Variants in NLGN4X observed in about 807,000 individuals in gnomAD.
NLGN4X encodes the protein neuroligin 4 X-linked.
In NLGN4X, 3 loss-of-function variants were observed where a neutral mutation model predicts 40.3. The ratio of observed to expected loss-of-function variants is 0.07; its 90% confidence interval spans 0.03 to 0.19. The LOEUF is 0.19. Ranked by LOEUF, NLGN4X falls within the 10% of genes least tolerant of loss-of-function variation. The probability of loss-of-function intolerance (pLI) is 1.00; values close to 1 mark genes in which losing one functional copy is unlikely to be tolerated. For missense variants in NLGN4X, 382 were observed against 708.3 expected (o/e 0.54, Z 5.23); for synonymous variants, 270 against 306.8 (o/e 0.88, Z 1.25).
chrX:6,092,944 C>A (rs1009404933), intron 2 of NLGN4X, among the ~76,000 whole-genome samples: 1 of 110,279 alleles, frequency 9.1e-6, no homozygotes, highest in Non-Finnish European at 1.9e-5. Context: ...TTTGAGAAAA[C>A]AGGAAGAATG....
chrX:6,111,618 C>T (rs1467929259), intron 2 of NLGN4X, among the ~76,000 whole-genome samples: 1 of 111,136 alleles, frequency 9.0e-6, no homozygotes, highest in African/African-American at 3.3e-5. Flanking sequence ...TGGTGGCACA[C>T]ACGTATGGTC....
intron 3 of NLGN4X, among the ~76,000 whole-genome samples, chrX:6,022,992 G>A (rs1044998800): frequency 1.8e-5 from 2 of 112,007 alleles, no homozygotes; most frequent in Non-Finnish European, 3.8e-5. Flanking sequence ...TTTATTCAAT[G>A]AATGGTCTTA....
At chrX:6,080,046 T>C (rs2038307488) in intron 2 of NLGN4X, among the ~76,000 whole-genome samples, 1 of 109,681 alleles carries the variant, frequency 9.1e-6, no homozygotes, top group Non-Finnish European at 1.9e-5. Context: ...TTCCCTCTCT[T>C]TGGAGAGCTT....
At chrX:6,081,821 A>G (rs2038357271) in intron 2 of NLGN4X, among the ~76,000 whole-genome samples, 1 of 112,533 alleles carries the variant, frequency 8.9e-6, no homozygotes, top group Non-Finnish European at 1.9e-5. Context: ...TAAAATTGCA[A>G]GGTTATAAAA....
intron 2 of NLGN4X, among the ~76,000 whole-genome samples, chrX:6,047,459 G>C (rs1390851763): frequency 9.0e-6 from 1 of 111,700 alleles, no homozygotes; most frequent in Non-Finnish European, 1.9e-5. Context: ...CTGGGTGACA[G>C]AGCAAGGCCT....
intron 2 of NLGN4X, 120 bp from the exon 3 acceptor site, chrX:6,029,552 T>C (rs967063646): frequency 1.9e-5 from 13 of 687,719 alleles, no homozygotes; most frequent in African/African-American, 1.3e-4. Flanking sequence ...AGCACATTTA[T>C]TTTTATGGAT....
intron 2 of NLGN4X, among the ~76,000 whole-genome samples, chrX:6,056,720 T>C (rs887489660): frequency 7.2e-5 from 8 of 111,765 alleles, no homozygotes; most frequent in African/African-American, 2.0e-4. Context: ...ATAGTGTGAG[T>C]TGACAGGCTG....
At chrX:6,083,169 A>C (rs2038411821) in intron 2 of NLGN4X, among the ~76,000 whole-genome samples, 1 of 100,288 alleles carries the variant, frequency 1.0e-5, no homozygotes, top group Admixed American at 1.1e-4. Context: ...CGTGTTAGCC[A>C]GGATGGTCTT....
At chrX:6,048,832 T>C (rs1311677014) in intron 2 of NLGN4X, among the ~76,000 whole-genome samples, 4 of 96,712 alleles carry the variant, frequency 4.1e-5, no homozygotes, top group Non-Finnish European at 8.2e-5. Context: ...CAACACACAC[T>C]AGGGTCTGTC....
At chrX:5,971,231 CACCCTACATT>C (rs1190143414) in intron 3 of NLGN4X, among the ~76,000 whole-genome samples, 1 of 111,111 alleles carries the variant, frequency 9.0e-6, no homozygotes, top group African/African-American at 3.3e-5. Context: ...AATGACATTT[CACCCTACATT>C]ACCCTCCCTG....
At chrX:6,063,107 C>T (rs978356252) in intron 2 of NLGN4X, among the ~76,000 whole-genome samples, 9 of 111,483 alleles carry the variant, frequency 8.1e-5, no homozygotes, top group African/African-American at 2.6e-4. Context: ...TAAAATACTG[C>T]AACTTCCCTA....
intron 3 of NLGN4X, among the ~76,000 whole-genome samples, chrX:5,931,202 A>G (rs983983598): frequency 6.2e-5 from 7 of 112,078 alleles, no homozygotes; most frequent in Non-Finnish European, 1.3e-4. Flanking sequence ...GCAATAAAAA[A>G]TACTCAAAGA....
chrX:5,903,941 G>A, intron 4 of NLGN4X, 75 bp from the exon 5 acceptor site: 1 of 1,134,494 alleles, frequency 8.8e-7, no homozygotes, highest in African/African-American at 1.8e-5. Flanking sequence ...AGCAATGAAG[G>A]CTGTGATTGT....
At chrX:6,176,433 C>T (rs1208025975) in intron 1 of NLGN4X, among the ~76,000 whole-genome samples, 1 of 112,284 alleles carries the variant, frequency 8.9e-6, no homozygotes, top group Non-Finnish European at 1.9e-5. Flanking sequence ...TGTGTTAATA[C>T]AAGAACTTGT....
chrX:6,091,013 G>A (rs2038624163), intron 2 of NLGN4X, among the ~76,000 whole-genome samples: 1 of 92,341 alleles, frequency 1.1e-5, no homozygotes, highest in Middle Eastern at 5.5e-3. Context: ...GGGAAGGAGG[G>A]ATGTAGAAAG....
At position 6,041,022 on chromosome X, in the gene NLGN4X, T is replaced by C. The variant is rs1353845038; in HGVS notation, c.473-11590A>G. Among the ~76,000 whole-genome samples the C allele has an allele frequency of 4.5e-5, 5 of 111,773 alleles. No homozygotes were observed. The East Asian group carries it at 1.4e-3, about 31-fold the overall frequency. On this transcript the variant is annotated intron_variant, in intron 2 of 5. Transcript: ENST00000381095. ...ATCTGTGTCTTTCTGGATTTGCTTA[T>C]TTGGACATTCCGGATGTGGGGGGTG...
chrX:5,912,642 G>A (rs1444387690), intron 3 of NLGN4X, among the ~76,000 whole-genome samples: 3 of 109,270 alleles, frequency 2.7e-5, no homozygotes, highest in Admixed American at 1.0e-4. Flanking sequence ...AGAATTCTAT[G>A]AGCCCAGAAA....
At chrX:5,947,064 T>C (rs775847900) in intron 3 of NLGN4X, among the ~76,000 whole-genome samples, 3 of 112,273 alleles carry the variant, frequency 2.7e-5, no homozygotes, top group Non-Finnish European at 5.6e-5. Flanking sequence ...CCACATTTTC[T>C]TTATCCAGTC....
intron 2 of NLGN4X, among the ~76,000 whole-genome samples, chrX:6,067,684 T>C (rs2037957027): frequency 9.0e-6 from 1 of 111,366 alleles, no homozygotes; most frequent in Non-Finnish European, 1.9e-5. Flanking sequence ...CAATCTATAT[T>C]CCATATAATT....
Sources: allele counts gnomAD v4.1 joint callset (sites outside exome capture counted in the v4.1 genomes callset), GRCh38; gene constraint gnomAD v4.1.1; transcripts MANE v1.5; gene names NCBI Gene and HGNC (gene_info 2026-07-23, HGNC 2026-07-21).